SHE: variants seen among roughly 807,000 people sequenced by gnomAD.
The protein encoded by SHE is Src homology 2 domain containing E.
Under a neutral mutation model 49.8 loss-of-function variants are expected in SHE, and 11 were observed. The observed-to-expected ratio is 0.22, with a 90% CI of 0.14 to 0.37. The LOEUF (loss-of-function observed/expected upper bound fraction) is 0.37, where lower values mean the gene tolerates loss of function less well. SHE is among the 10% of genes least tolerant of loss of function. SHE has a pLI of 1.00. For missense variants in SHE, 624 were observed against 655.5 expected, an observed-to-expected ratio of 0.95 and a Z score of 0.52; for synonymous variants, 310 against 278.1, an observed-to-expected ratio of 1.11 and a Z score of -1.14.
At chr1:154,486,208 C>G (rs1237637244) in intron 4 of SHE, 146 bp from the exon 5 acceptor site, 10 of 1,160,802 alleles carry the variant, frequency 8.6e-6, no homozygotes, top group African/African-American at 1.5e-5. Context: ...ACATTCAGAA[C>G]AGACAAAATG....
downstream of SHE, among the ~76,000 whole-genome samples, chr1:154,477,126 A>G (rs567588896): frequency 9.2e-5 from 14 of 152,308 alleles, no homozygotes; most frequent in South Asian, 2.9e-3. Flanking sequence ...GCCTAGGCCC[A>G]TGGACACAAC....
At chr1:154,497,480 T>C (rs549362781) in intron 2 of SHE, among the ~76,000 whole-genome samples, 1 of 152,294 alleles carries the variant, frequency 6.6e-6, no homozygotes, top group South Asian at 2.1e-4. Context: ...CACAAATAAA[T>C]CTATATTATT....
chr1:154,488,866 C>T (rs761605041), intron 3 of SHE, among the ~76,000 whole-genome samples, 185 bp downstream of exon 3: 14 of 152,202 alleles, frequency 9.2e-5, no homozygotes, highest in Non-Finnish European at 1.8e-4. Flanking sequence ...ATTACAGGCG[C>T]AAGCCACCGT....
At chr1:154,478,525 A>T (rs1323801546), downstream of SHE, among the ~76,000 whole-genome samples, 1 of 151,264 alleles carries the variant, frequency 6.6e-6, no homozygotes, top group Non-Finnish European at 1.5e-5. Context: ...TTATTTCATC[A>T]TTCTAAGCAC....
At chr1:154,473,111 G>C (rs1226103613) in intron 1 of SHE, among the ~76,000 whole-genome samples, 3 of 151,886 alleles carry the variant, frequency 2.0e-5, no homozygotes. Flanking sequence ...CGATTCTCCT[G>C]CCTCAGCCTC....
At chr1:154,474,656 C>T (rs1037561675), downstream of SHE, among the ~76,000 whole-genome samples, 5 of 152,274 alleles carry the variant, frequency 3.3e-5, no homozygotes, top group Non-Finnish European at 5.9e-5. Context: ...AGGCACACAC[C>T]ACCATGCCTG....
At position 154,501,913 on chromosome 1, in the gene SHE, C is replaced by T. The variant is rs1419507788; in HGVS notation, c.114G>A (p.Ala38=). The T allele has an allele frequency of 6.7e-7, 1 of 1,502,952 alleles. No homozygotes were observed. Among genetic ancestry groups the T allele is most frequent in the Non-Finnish European group, 8.8e-7 (1 of 1,134,770 alleles). 93.1% of individuals were successfully genotyped at this position (1,502,952 alleles called of 1,614,324 possible). A position where few individuals can be genotyped will look rare whatever the true frequency, so the allele number is the denominator to read the frequency against. ...LGRAGRGPLM[A]AKWFKEFPLN... Reference sequence around the variant, plus strand: ...GGGGGAACTCCTTGAACCACTTGGCCGCCATGAGGGGGCCCCGGCCGGCTC... The same window carrying T: ...GGGGGAACTCCTTGAACCACTTGGCTGCCATGAGGGGGCCCCGGCCGGCTC... Residue 38 remains alanine, a synonymous_variant, in exon 1 of 6, where the codon GCG becomes GCA. Coordinates refer to ENST00000304760, the MANE Select transcript of SHE (RefSeq NM_001010846.3).
rs186556055 is a variant in SHE, at chr1:154,472,896, T to G, written c.103-2534A>C. Among the ~76,000 whole-genome samples, 750 of 151,610 alleles carry G rather than the reference T, an allele frequency of 4.9e-3. 7 individuals carry two copies. The highest frequency in any genetic ancestry group is 0.017 in the African/African-American group (708 of 41,392). On this transcript the variant is annotated intron_variant, in intron 1 of 1. Coordinates refer to the SHE transcript ENST00000486773. ...ATGGCTACTGGCTGGGCGCAGTGGC[T>G]CACACCTGTAATTCCAGCATTTTGG...
At position 154,482,721 on chromosome 1, in the gene SHE, T is replaced by A; in HGVS notation, c.*1428A>T. ...TTTCACAGTAAATAAACTGGTGATA[T>A]AAGCTCATGATAAATCATAAAGATC... On this transcript the variant is annotated 3_prime_UTR_variant, in exon 6 of 6. Transcript: ENST00000304760. 1 of 985,436 alleles carries A rather than the reference T, an allele frequency of 1.0e-6. No homozygotes were observed. The allele number at this position is 985,436 out of a possible 1,614,324, so 61.0% of individuals were successfully genotyped here.
At position 154,494,385 on chromosome 1, in the gene SHE, T is replaced by G. The variant is rs1309151272; in HGVS notation, c.718+4727A>C. On this transcript the variant is annotated intron_variant, in intron 2 of 5. Transcript: ENST00000304760. Reference sequence around the variant, plus strand: ...AGACAGACATAACAGTTTTTTTTTTTTTTTTTTTTTTAGAGATGGGGTCTC... The same window carrying G: ...AGACAGACATAACAGTTTTTTTTTTGTTTTTTTTTTTAGAGATGGGGTCTC... Among the ~76,000 whole-genome samples, 6 of 150,098 alleles carry G rather than the reference T, an allele frequency of 4.0e-5. No homozygotes were observed. The East Asian group carries it at 9.6e-4, about 24-fold the overall frequency.
Position 154,485,970 on chromosome 1 carries a change from CCT to C in SHE, c.1272_1273del (p.Gly425GlufsTer11), listed in dbSNP as rs766959537. The C allele has an allele frequency of 3.7e-6, 6 of 1,613,956 alleles. No homozygotes were observed. Among genetic ancestry groups the C allele is most frequent in the Non-Finnish European group, 4.2e-6 (5 of 1,179,990 alleles). On this transcript the variant is annotated frameshift_variant, in exon 5 of 6. Transcript: ENST00000304760. LOFTEE classifies it high-confidence loss of function. ...TAGGGCAATGGAGTACCTGCTGTTC[CCT>C]GACTCACTATTTCGAACCAGGTAAC...
chr1:154,471,561 G>T (rs1332649720), intron 1 of SHE, among the ~76,000 whole-genome samples: 1 of 152,056 alleles, frequency 6.6e-6, no homozygotes, highest in African/African-American at 2.4e-5. Flanking sequence ...GTGACAGCAA[G>T]ACCTTGTCTC....
At chr1:154,470,443 C>T in intron 1 of SHE, 1 of 1,213,644 alleles carries the variant, frequency 8.2e-7, no homozygotes, top group Non-Finnish European at 1.1e-6. Flanking sequence ...AGGCACAGGG[C>T]AACCAAACCT....
chr1:154,496,545 C>G (rs1391103696), intron 2 of SHE, among the ~76,000 whole-genome samples: 3 of 152,172 alleles, frequency 2.0e-5, no homozygotes, highest in Non-Finnish European at 4.4e-5. Context: ...AACGGCATTT[C>G]AAGTGTGTCC....
At chr1:154,500,624 G>A (rs550677310) in intron 1 of SHE, among the ~76,000 whole-genome samples, 8 of 152,300 alleles carry the variant, frequency 5.3e-5, no homozygotes, top group Admixed American at 6.5e-5. Context: ...TCGGAGAGAA[G>A]ATAAAAACAA....
At position 154,483,945 on chromosome 1, in the gene SHE, C is replaced by T; in HGVS notation, c.*204G>A. 1.5e-6 allele frequency: 2 copies of T among 1,355,660 alleles called. No homozygotes were observed. The highest frequency in any genetic ancestry group is 1.9e-6 in the Non-Finnish European group (2 of 1,050,084). 84.0% of individuals were successfully genotyped at this position (1,355,660 alleles called of 1,614,324 possible). ...CCCAGGAGTCAGATGTTGCAGTGAG[C>T]CAAGATTGCGCCATTGCACTCCAGC... On this transcript the variant is annotated 3_prime_UTR_variant, in exon 6 of 6. Coordinates refer to ENST00000304760, the MANE Select transcript of SHE (RefSeq NM_001010846.3).
intron 2 of SHE, among the ~76,000 whole-genome samples, chr1:154,496,004 C>T (rs915232720): frequency 1.3e-5 from 2 of 152,180 alleles, no homozygotes; most frequent in African/African-American, 2.4e-5. Flanking sequence ...TTGGACTTGA[C>T]AATCAGGTAC....
Position 154,481,875 on chromosome 1 carries a change from G to A in SHE, c.*2274C>T. On this transcript the variant is annotated 3_prime_UTR_variant, in exon 6 of 6. Coordinates refer to ENST00000304760, the MANE Select transcript of SHE (RefSeq NM_001010846.3). ...TTTGTTTGCTTGCTTGTTGAGACAG[G>A]GTCTCACTCTGTCACTCAGGCTGGA... The A allele has an allele frequency of 2.4e-6, 2 of 816,468 alleles. No homozygotes were observed. Among genetic ancestry groups the A allele is most frequent in the Non-Finnish European group, 3.0e-6 (2 of 675,984 alleles). 50.6% of individuals were successfully genotyped at this position (816,468 alleles called of 1,614,324 possible).
chr1:154,495,235 G>T (rs980537251), intron 2 of SHE, among the ~76,000 whole-genome samples: 1 of 152,162 alleles, frequency 6.6e-6, no homozygotes, highest in African/African-American at 2.4e-5. Context: ...GTTTCAAAGC[G>T]GTGGCTAAAA....
Sources: allele counts gnomAD v4.1 joint callset (sites outside exome capture counted in the v4.1 genomes callset), GRCh38; gene constraint gnomAD v4.1.1; transcripts MANE v1.5; gene names NCBI Gene and HGNC (gene_info 2026-07-23, HGNC 2026-07-21).